The following FAT3 variants were observed in gnomAD, a reference collection of about 807,000 sequenced individuals.
The protein encoded by FAT3 is protocadherin Fat 3.
Under a neutral mutation model 310.2 loss-of-function variants are expected in FAT3, and 95 were observed. The ratio of observed to expected loss-of-function variants is 0.31; its 90% CI spans 0.26 to 0.36. The LOEUF is 0.36. FAT3 is among the 10% of genes least tolerant of loss of function. FAT3 has a pLI of 1.00. For missense variants in FAT3, 5,408 were observed against 5,715.6 expected, an observed-to-expected ratio of 0.95 and a Z score of 1.74; for synonymous variants, 2,314 against 2,192.9, an observed-to-expected ratio of 1.06 and a Z score of -1.54.
intron 1 of FAT3, chr11:92,336,154 G>A (rs1591127163): frequency 1.1e-4 from 62 of 550,748 alleles, no homozygotes; most frequent in South Asian, 8.3e-4. Context: ...GCCCACTCTC[G>A]CATCCTGTAA....
intron 4 of FAT3, among the ~76,000 whole-genome samples, chr11:92,728,278 G>A (rs1204047582): frequency 6.6e-6 from 1 of 152,088 alleles, no homozygotes; most frequent in African/African-American, 2.4e-5. Context: ...TTGTGGAGCA[G>A]GGCTACCCCA....
intron 22 of FAT3, among the ~76,000 whole-genome samples, chr11:92,870,154 G>A (rs1288977103): frequency 1.3e-5 from 2 of 152,170 alleles, no homozygotes; most frequent in Admixed American, 1.3e-4. Context: ...CTCAAACTGA[G>A]GCTATCTTAG....
intron 2 of FAT3, among the ~76,000 whole-genome samples, chr11:92,479,819 T>G (rs1210160989): frequency 2.0e-5 from 3 of 152,192 alleles, no homozygotes; most frequent in African/African-American, 4.8e-5. Flanking sequence ...TATGGCCCTG[T>G]GTGGTATCCT....
chr11:92,240,904 T>G (rs1421770916), intron 1 of FAT3, among the ~76,000 whole-genome samples: 3 of 152,072 alleles, frequency 2.0e-5, no homozygotes, highest in Non-Finnish European at 4.4e-5. Context: ...CAGTCTATTT[T>G]ATAATCCACA....
chr11:92,253,539 CT>C (rs1865209009), intron 1 of FAT3, among the ~76,000 whole-genome samples: 1 of 152,100 alleles, frequency 6.6e-6, no homozygotes, highest in African/African-American at 2.4e-5. Context: ...GGTTTCTGCT[CT>C]GAGCTGTTCC....
At chr11:92,567,413 T>C (rs1450002176) in intron 3 of FAT3, among the ~76,000 whole-genome samples, 2 of 149,384 alleles carry the variant, frequency 1.3e-5, no homozygotes, top group Non-Finnish European at 3.0e-5. Context: ...TGTGGAGAAA[T>C]AGGAACACTT....
At chr11:92,744,944 T>C (rs1189677542) in intron 4 of FAT3, among the ~76,000 whole-genome samples, 2 of 152,200 alleles carry the variant, frequency 1.3e-5, no homozygotes, top group Non-Finnish European at 2.9e-5. Context: ...GAAATCCCTG[T>C]TGAATTGCTG....
chr11:92,886,135 C>T (rs1949791541), intron 24 of FAT3, among the ~76,000 whole-genome samples: 1 of 152,292 alleles, frequency 6.6e-6, no homozygotes, highest in South Asian at 2.1e-4. Context: ...CCAGAATTCA[C>T]CTCAGGCCAA....
rs751216859 is a variant in FAT3, at chr11:92,840,578, G to A, written c.10385G>A (p.Gly3462Asp). ...TTTATGCAGGAAAATAAGCCAGTGG[G>A]CACCAGCATCTTGCAGCTGGTGGTG... ...TAVIQENKPV[G>D]TSILQLVVTD... Residue 3462 changes from glycine to aspartate, a missense_variant, in exon 18 of 28, where the codon GGC (glycine) becomes GAC (aspartate). Gly to Asp is a moderately conservative substitution (Grantham distance 94, BLOSUM62 -1). Around this residue, in one of 5 missense-constraint regions of FAT3, gnomAD observed 4,588 missense variants for 4,809.8 expected, o/e 0.95. Coordinates refer to ENST00000525166, the MANE Select transcript of FAT3 (RefSeq NM_001367949.2). 3 of 1,591,358 alleles carry A rather than the reference G, an allele frequency of 1.9e-6. No individual in the cohort carries two copies. The highest frequency in any genetic ancestry group is 3.4e-5 in the Admixed American group (2 of 59,474).
chr11:92,404,089 A>C (rs1438399836), intron 2 of FAT3, among the ~76,000 whole-genome samples: 1 of 152,066 alleles, frequency 6.6e-6, no homozygotes. Context: ...AAAGTTGTAT[A>C]TCCTACCCTG....
At chr11:92,602,867 A>G (rs184602445) in intron 3 of FAT3, among the ~76,000 whole-genome samples, 77 of 152,320 alleles carry the variant, frequency 5.1e-4, no homozygotes, top group East Asian at 3.7e-3. Flanking sequence ...AATTTGGTGG[A>G]ATCAGGATTG....
At chr11:92,616,075 G>A (rs148059604) in intron 3 of FAT3, among the ~76,000 whole-genome samples, 1,989 of 152,128 alleles carry the variant, frequency 0.013, 45 homozygotes, top group African/African-American at 0.045. Flanking sequence ...TTGACAGTGG[G>A]GTGTTAAAAT....
chr11:92,284,515 G>A (rs538546011), intron 1 of FAT3, among the ~76,000 whole-genome samples: 2 of 152,178 alleles, frequency 1.3e-5, no homozygotes, highest in South Asian at 2.1e-4. Flanking sequence ...TGTTATAAGA[G>A]TCCTGGAGCA....
chr11:92,393,628 G>C (rs1334050810), intron 2 of FAT3, among the ~76,000 whole-genome samples: 1 of 152,082 alleles, frequency 6.6e-6, no homozygotes, highest in Non-Finnish European at 1.5e-5. Flanking sequence ...TTTGATTTTT[G>C]AAACAAAGGT....
chr11:92,444,938 G>A (rs2135094691), intron 2 of FAT3, among the ~76,000 whole-genome samples: 1 of 152,238 alleles, frequency 6.6e-6, no homozygotes, highest in African/African-American at 2.4e-5. Flanking sequence ...GTTTGTTAAA[G>A]TCCTAACCTC....
At chr11:92,385,921 G>C in intron 2 of FAT3, among the ~76,000 whole-genome samples, 1 of 151,984 alleles carries the variant, frequency 6.6e-6, no homozygotes, top group East Asian at 1.9e-4. Flanking sequence ...CAAGGTGGGC[G>C]GATCACTTGA....
chr11:92,810,708 T>G (rs796390913), intron 13 of FAT3, among the ~76,000 whole-genome samples: 14 of 152,266 alleles, frequency 9.2e-5, no homozygotes, highest in African/African-American at 3.4e-4. Flanking sequence ...TATGCTCAGA[T>G]CCACTTTACA....
At chr11:92,525,683 AG>A (rs1953839071) in intron 3 of FAT3, among the ~76,000 whole-genome samples, 10 of 62,032 alleles carry the variant, frequency 1.6e-4, no homozygotes, top group Non-Finnish European at 3.9e-4. Context: ...GGAGTAAAAT[AG>A]TGAGAGTTGT....
intron 22 of FAT3, among the ~76,000 whole-genome samples, chr11:92,880,443 G>T (rs1187645057): frequency 6.6e-6 from 1 of 151,512 alleles, no homozygotes; most frequent in African/African-American, 2.4e-5. Flanking sequence ...TCCCCATCTT[G>T]GGTTCTGCTC....
Sources: gnomAD v4.1 joint callset for allele counts (sites outside exome capture counted in the v4.1 genomes callset) on GRCh38, gnomAD v4.1.1 for gene constraint, gnomAD v4.1.1 regional missense constraint, MANE v1.5 for transcripts, NCBI Gene and HGNC (gene_info 2026-07-23, HGNC 2026-07-21) for gene names.